Variants in PTPRR observed in about 807,000 individuals in gnomAD.
PTPRR encodes receptor-type tyrosine-protein phosphatase R.
PTPRR carries 38 observed loss-of-function variants against 77.2 expected under a neutral mutation model. That is an observed-to-expected ratio of 0.49 (90% confidence interval 0.38 to 0.65). The LOEUF is 0.65. Ranked by LOEUF, PTPRR falls within the 30% of genes least tolerant of loss-of-function variation. The pLI, the probability that PTPRR is intolerant of heterozygous loss-of-function variation, is 0.00. For synonymous variants in PTPRR, 299 were observed against 283.1 expected (o/e 1.06, Z -0.57); for missense variants, 744 against 799.2 (o/e 0.93, Z 0.83).
rs140649278 is a variant in PTPRR, at chr12:70,892,822, C to G, written c.214G>C (p.Ala72Pro). Residue 72 changes from alanine (A) to proline (P), a missense_variant, in exon 2 of 14, where the codon GCT becomes CCT. Transcript: ENST00000283228. ...YRHSYHSSSE[A>P]QVSKRHQIVN... ...ATCTGGTGGCGTTTGCTTACTTGAG[C>G]TTCGGAAGAGGAATGGTAGCTATGT... 5.0e-6 allele frequency: 8 copies of G among 1,613,458 alleles called. No individual in the cohort carries two copies. Among genetic ancestry groups the G allele is most frequent in the Non-Finnish European group, 5.1e-6 (6 of 1,179,578 alleles).
At chr12:70,646,084 T>C (rs1322834873) in intron 13 of PTPRR, among the ~76,000 whole-genome samples, 1 of 152,210 alleles carries the variant, frequency 6.6e-6, no homozygotes, top group Non-Finnish European at 1.5e-5. Context: ...CCTTTGCTTT[T>C]TATTATTTTC....
chr12:70,702,654 G>T (rs1041652370), intron 6 of PTPRR, among the ~76,000 whole-genome samples: 4 of 152,112 alleles, frequency 2.6e-5, no homozygotes, highest in Non-Finnish European at 5.9e-5. Context: ...GCCTCTGGTT[G>T]CATTTTTGTT....
chr12:70,688,115 A>T (rs1887934438), intron 8 of PTPRR, among the ~76,000 whole-genome samples: 1 of 152,172 alleles, frequency 6.6e-6, no homozygotes, highest in Non-Finnish European at 1.5e-5. Context: ...TGTATTCATA[A>T]TGTTGTATTC....
intron 6 of PTPRR, among the ~76,000 whole-genome samples, chr12:70,736,419 T>C (rs1592718444): frequency 6.6e-6 from 1 of 152,270 alleles, no homozygotes; most frequent in African/African-American, 2.4e-5. Context: ...AGATTATAGG[T>C]GTGTACGCCT....
chr12:70,761,387 C>A, intron 4 of PTPRR, 84 bp downstream of exon 4: 1 of 1,255,034 alleles, frequency 8.0e-7, no homozygotes, highest in Non-Finnish European at 1.1e-6. Context: ...AAACAACTTC[C>A]ATCTCAAAGC....
intron 8 of PTPRR, among the ~76,000 whole-genome samples, chr12:70,687,214 T>C (rs951731574): frequency 7.5e-6 from 1 of 133,522 alleles, no homozygotes; most frequent in Non-Finnish European, 1.7e-5. Context: ...GAAACCAGAT[T>C]ACCAAACTTA....
intron 1 of PTPRR, among the ~76,000 whole-genome samples, chr12:70,894,695 T>C (rs985678446): frequency 6.6e-6 from 1 of 151,738 alleles, no homozygotes; most frequent in Admixed American, 6.6e-5. Flanking sequence ...AAAACAGTGG[T>C]AAGAACAACA....
intron 2 of PTPRR, among the ~76,000 whole-genome samples, chr12:70,886,936 T>C (rs1464019657): frequency 1.3e-5 from 2 of 152,166 alleles, no homozygotes; most frequent in African/African-American, 2.4e-5. Context: ...AGATATTAGC[T>C]AGAAGTGCTT....
chr12:70,806,306 C>A (rs1357870153), intron 2 of PTPRR, among the ~76,000 whole-genome samples: 1 of 152,130 alleles, frequency 6.6e-6, no homozygotes, highest in African/African-American at 2.4e-5. Flanking sequence ...CAATAGAACC[C>A]ACAGTAGGAG....
intron 2 of PTPRR, among the ~76,000 whole-genome samples, chr12:70,804,385 G>C (rs1891672634): frequency 6.6e-6 from 1 of 151,812 alleles, no homozygotes; most frequent in African/African-American, 2.4e-5. Context: ...GCAAAACCCT[G>C]TCTCTACCAA....
chr12:70,804,298 G>A (rs1891671149), intron 2 of PTPRR, among the ~76,000 whole-genome samples: 1 of 152,074 alleles, frequency 6.6e-6, no homozygotes, highest in Non-Finnish European at 1.5e-5. Flanking sequence ...GCTCACTCCT[G>A]TGATCCCAGC....
intron 2 of PTPRR, among the ~76,000 whole-genome samples, chr12:70,815,006 AAAC>A: frequency 6.6e-6 from 1 of 152,252 alleles, no homozygotes; most frequent in East Asian, 1.9e-4. Context: ...AAAAAATAGA[AAAC>A]AGACCAGAAA....
chr12:70,826,524 G>A (rs1178838544), intron 2 of PTPRR, among the ~76,000 whole-genome samples: 1 of 152,128 alleles, frequency 6.6e-6, no homozygotes, highest in African/African-American at 2.4e-5. Flanking sequence ...CAAGAATCCA[G>A]CCCCATGACA....
chr12:70,738,067 G>C (rs1565674964), intron 6 of PTPRR, among the ~76,000 whole-genome samples: 1 of 152,164 alleles, frequency 6.6e-6, no homozygotes, highest in African/African-American at 2.4e-5. Context: ...AATCTTTTGA[G>C]TTTGAATGTA....
intron 13 of PTPRR, among the ~76,000 whole-genome samples, chr12:70,652,369 TAAC>T (rs1360100171): frequency 6.6e-6 from 1 of 152,116 alleles, no homozygotes; most frequent in Non-Finnish European, 1.5e-5. Context: ...CTGCTTTTCA[TAAC>T]AACTAGAAGA....
intron 6 of PTPRR, among the ~76,000 whole-genome samples, chr12:70,708,319 C>T (rs886122608): frequency 2.4e-4 from 36 of 151,946 alleles, no homozygotes; most frequent in South Asian, 1.4e-3. Flanking sequence ...TGTGCTTTGA[C>T]GGTTTTTCCA....
intron 2 of PTPRR, among the ~76,000 whole-genome samples, chr12:70,850,866 A>G (rs2137069101): frequency 6.6e-6 from 1 of 152,144 alleles, no homozygotes; most frequent in East Asian, 1.9e-4. Context: ...ACACAATACA[A>G]CCTCAGTACA....
At chr12:70,889,070 C>A (rs967124599) in intron 2 of PTPRR, among the ~76,000 whole-genome samples, 3 of 152,096 alleles carry the variant, frequency 2.0e-5, no homozygotes, top group Admixed American at 6.5e-5. Context: ...GGCATTTGAA[C>A]CAATAAATTT....
At chr12:70,713,394 T>C (rs1439725493) in intron 6 of PTPRR, among the ~76,000 whole-genome samples, 1 of 152,182 alleles carries the variant, frequency 6.6e-6, no homozygotes, top group African/African-American at 2.4e-5. Context: ...ATGTTTTCAT[T>C]TCTTTTGGGT....
Sources: allele counts gnomAD v4.1 joint callset (sites outside exome capture counted in the v4.1 genomes callset), GRCh38; gene constraint gnomAD v4.1.1; transcripts MANE v1.5; gene names NCBI Gene and HGNC (gene_info 2026-07-23, HGNC 2026-07-21).